Variants in TRMT11 observed in about 807,000 individuals in gnomAD.
TRMT11 encodes tRNA methyltransferase 11.
In TRMT11, 53 loss-of-function variants were observed where a neutral mutation model predicts 62.8. That is an observed-to-expected ratio of 0.84 (90% CI 0.68 to 1.06). TRMT11 has a LOEUF of 1.06. Ranked by LOEUF, TRMT11 falls within the 50% of genes least tolerant of loss-of-function variation. The pLI is 0.00. For missense variants in TRMT11, 556 were observed against 553.4 expected, an observed-to-expected ratio of 1.00 and a Z score of -0.05; for synonymous variants, 188 against 190.3, an observed-to-expected ratio of 0.99 and a Z score of 0.10.
chr6:126,238,754 T>C, the TRMT11 span, among the ~76,000 whole-genome samples: 1 of 152,196 alleles, frequency 6.6e-6, no homozygotes, highest in African/African-American at 2.4e-5. Flanking sequence ...GTGTTCAATT[T>C]CTGGATATCC....
intron 12 of TRMT11, among the ~76,000 whole-genome samples, chr6:126,021,506 T>C (rs952519880): frequency 5.9e-5 from 9 of 152,210 alleles, no homozygotes; most frequent in African/African-American, 2.2e-4. Flanking sequence ...CAAATAGACG[T>C]TGACCCTCAC....
intron 11 of TRMT11, among the ~76,000 whole-genome samples, chr6:126,015,370 GTGTC>G (rs1794847677): frequency 6.6e-6 from 1 of 152,108 alleles, no homozygotes; most frequent in African/African-American, 2.4e-5. Context: ...GGGACTACAG[GTGTC>G]TGCCACTGCG....
intron 17 of TRMT11, among the ~76,000 whole-genome samples, chr6:126,067,622 C>T (rs1226088851): frequency 6.6e-6 from 1 of 152,164 alleles, no homozygotes; most frequent in African/African-American, 2.4e-5. Context: ...TTTTGGCATT[C>T]ATGAATAATA....
At chr6:126,236,734 AG>A in the TRMT11 span, among the ~76,000 whole-genome samples, 3,351 of 152,272 alleles carry the variant, frequency 0.022, 137 homozygotes, top group African/African-American at 0.076. Flanking sequence ...ATATTTCCTT[AG>A]GGAATGTATC....
chr6:126,048,345 C>T (rs1436750401), intron 16 of TRMT11, among the ~76,000 whole-genome samples: 1 of 152,190 alleles, frequency 6.6e-6, no homozygotes, highest in African/African-American at 2.4e-5. Context: ...CTGACCAATA[C>T]CCTCCTTGAG....
At chr6:126,262,719 G>A in the TRMT11 span, among the ~76,000 whole-genome samples, 11 of 152,194 alleles carry the variant, frequency 7.2e-5, no homozygotes, top group Admixed American at 2.0e-4. Context: ...GGCAGCAATA[G>A]GGACTGCTGG....
the TRMT11 span, among the ~76,000 whole-genome samples, chr6:126,243,229 A>G: frequency 1.3e-5 from 2 of 152,224 alleles, no homozygotes; most frequent in South Asian, 4.1e-4. Flanking sequence ...TCAAAACCAC[A>G]ATGGGATACC....
chr6:126,077,473 A>G lies in TRMT11; in HGVS notation c.*1437+24283A>G, dbSNP rs186377876. On this transcript the variant is annotated intron_variant and NMD_transcript_variant, in intron 17 of 22. Transcript: ENST00000648977. ...ACACACAAAGGAGATAAGAGGCTCC[A>G]AGAGATCACGTTCCTTTCTTGTGTA... Among the ~76,000 whole-genome samples the G allele has an allele frequency of 8.5e-5, 13 of 152,324 alleles. No individual in the cohort carries two copies. In the East Asian group the frequency reaches 2.5e-3, roughly 29 times the overall value.
chr6:126,045,187 C>CAA (rs58899844), intron 16 of TRMT11, among the ~76,000 whole-genome samples: 5,761 of 126,816 alleles, frequency 0.045, 358 homozygotes, highest in African/African-American at 0.14. Flanking sequence ...GACTCCATCT[C>CAA]AAAAAAAAAA....
the TRMT11 span, among the ~76,000 whole-genome samples, chr6:126,235,972 A>G: frequency 6.6e-6 from 1 of 152,230 alleles, no homozygotes; most frequent in Admixed American, 6.5e-5. Flanking sequence ...GTTGGTACCT[A>G]GAGAATGTGT....
At chr6:126,226,719 TACTTTTAAA>T in the TRMT11 span, among the ~76,000 whole-genome samples, 1 of 152,224 alleles carries the variant, frequency 6.6e-6, no homozygotes, top group African/African-American at 2.4e-5. Context: ...GCTGCCAGCA[TACTTTTAAA>T]AATTCTGTAT....
intron 1 of TRMT11, among the ~76,000 whole-genome samples, chr6:125,992,563 G>C (rs1380065478): frequency 1.3e-5 from 2 of 152,158 alleles, no homozygotes; most frequent in Non-Finnish European, 1.5e-5. Flanking sequence ...TAACCACCTA[G>C]GTTCTATGCT....
At chr6:126,192,262 G>T (rs2128247501) in intron 1 of TRMT11, among the ~76,000 whole-genome samples, 2 of 152,016 alleles carry the variant, frequency 1.3e-5, no homozygotes, top group Middle Eastern at 6.8e-3. Context: ...TTAACAAATA[G>T]AAACTATTGA....
At chr6:126,249,253 G>A in the TRMT11 span, among the ~76,000 whole-genome samples, 1 of 152,010 alleles carries the variant, frequency 6.6e-6, no homozygotes, top group Non-Finnish European at 1.5e-5. Flanking sequence ...AAGAAGCTAC[G>A]TGACCTTAAT....
intron 21 of TRMT11, among the ~76,000 whole-genome samples, chr6:126,163,004 A>G (rs937039272): frequency 2.6e-5 from 4 of 152,154 alleles, no homozygotes; most frequent in Admixed American, 2.6e-4. Context: ...TTATCTGCAA[A>G]CAGAGACAAT....
intron 17 of TRMT11, among the ~76,000 whole-genome samples, chr6:126,112,485 G>A (rs189058238): frequency 1.3e-5 from 2 of 152,230 alleles, no homozygotes; most frequent in African/African-American, 4.8e-5. Flanking sequence ...GAGATATGAA[G>A]CTTCCTTCAA....
chr6:126,255,969 G>A, the TRMT11 span, among the ~76,000 whole-genome samples: 1 of 152,174 alleles, frequency 6.6e-6, no homozygotes, highest in African/African-American at 2.4e-5. Flanking sequence ...GAATTTGGGA[G>A]TAGCTTGGCT....
chr6:126,240,352 G>C, the TRMT11 span, among the ~76,000 whole-genome samples: 1 of 152,054 alleles, frequency 6.6e-6, no homozygotes, highest in South Asian at 2.1e-4. Flanking sequence ...ATCTACCTTT[G>C]GTCTTTGATG....
chr6:126,258,707 G>A, the TRMT11 span, among the ~76,000 whole-genome samples: 2 of 151,880 alleles, frequency 1.3e-5, no homozygotes, highest in East Asian at 3.9e-4. Flanking sequence ...GTATTTCTGT[G>A]GTATCAATTG....
Sources: allele counts gnomAD v4.1 joint callset (sites outside exome capture counted in the v4.1 genomes callset), GRCh38; gene constraint gnomAD v4.1.1; transcripts MANE v1.5; gene names NCBI Gene and HGNC (gene_info 2026-07-23, HGNC 2026-07-21).